Variants in RHEB observed in about 807,000 individuals in gnomAD.
The protein encoded by RHEB is GTP-binding protein Rheb.
A neutral mutation model predicts 28.8 loss-of-function variants in RHEB; 2 were observed. The observed-to-expected ratio is 0.07, with a 90% CI of 0.03 to 0.22. The LOEUF is 0.22. RHEB is among the 10% of genes least tolerant of loss of function. The pLI is 1.00. For missense variants in RHEB, 76 were observed against 219.9 expected (o/e 0.35, Z 4.14); for synonymous variants, 69 against 77.3 (o/e 0.89, Z 0.56).
chr7:151,517,162 G>C, intron 1 of RHEB, among the ~76,000 whole-genome samples: 1 of 152,284 alleles, frequency 6.6e-6, no homozygotes, highest in Non-Finnish European at 1.5e-5. Flanking sequence ...TCAGGCGTTT[G>C]AGACAAGCCT....
intron 1 of RHEB, chr7:151,518,152 A>G (rs574531731): frequency 6.6e-6 from 1 of 152,248 alleles, no homozygotes; most frequent in South Asian, 2.1e-4. Flanking sequence ...ATCGCACAAG[A>G]GTTCCCCTAC....
In RHEB at chr7:151,502,253, T is replaced by C. The variant is rs551011432; in HGVS notation, c.53-11239A>G. The C allele has an allele frequency of 1.2e-3, 652 of 556,362 alleles. 2 individuals are homozygous for C. Among genetic ancestry groups the C allele is most frequent in the Non-Finnish European group, 1.9e-3 (589 of 310,482 alleles). The allele number at this position is 556,362 out of a possible 1,614,324, so 34.5% of individuals were successfully genotyped here. A position where few individuals can be genotyped will look rare whatever the true frequency, so the allele number is the denominator to read the frequency against. On this transcript the variant is annotated intron_variant, in intron 1 of 7. Coordinates refer to ENST00000262187, the MANE Select transcript of RHEB (RefSeq NM_005614.4). ...CAAAAAAAAAAAAAAAAAAAGGAGC[T>C]TGGAGGCAGCCTGCAGCAATGGCAC...
intron 1 of RHEB, chr7:151,502,998 T>C: frequency 1.3e-6 from 1 of 783,888 alleles, no homozygotes; most frequent in Non-Finnish European, 2.4e-6. Flanking sequence ...GTGAAATTCA[T>C]TCAAGAAAAG....
chr7:151,498,795 T>C (rs2150933109), intron 1 of RHEB, among the ~76,000 whole-genome samples: 1 of 149,528 alleles, frequency 6.7e-6, no homozygotes, highest in South Asian at 2.1e-4. Flanking sequence ...CAGAATCCCT[T>C]TTGTAGAATA....
chr7:151,486,038 GA>G (rs1181353548), intron 2 of RHEB, among the ~76,000 whole-genome samples: 1 of 152,198 alleles, frequency 6.6e-6, no homozygotes, highest in African/African-American at 2.4e-5. Context: ...TCAATTCTAA[GA>G]AAGAATTCAG....
At chr7:151,494,342 C>T (rs1563097150) in intron 1 of RHEB, among the ~76,000 whole-genome samples, 1 of 152,060 alleles carries the variant, frequency 6.6e-6, no homozygotes, top group African/African-American at 2.4e-5. Flanking sequence ...AGTGAAGGGA[C>T]GGGGGAAAAG....
chr7:151,515,580 C>G (rs1259651096), intron 1 of RHEB, among the ~76,000 whole-genome samples: 1 of 152,208 alleles, frequency 6.6e-6, no homozygotes, highest in Non-Finnish European at 1.5e-5. Flanking sequence ...TATACAACAT[C>G]AGAATATTAA....
chr7:151,490,203 T>C (rs773191874), intron 2 of RHEB, among the ~76,000 whole-genome samples: 12 of 152,302 alleles, frequency 7.9e-5, no homozygotes, highest in Non-Finnish European at 1.2e-4. Context: ...CCTGGGAGGC[T>C]GAGGAAAGAG....
intron 1 of RHEB, among the ~76,000 whole-genome samples, chr7:151,492,335 C>T (rs1373821596): frequency 2.0e-5 from 3 of 152,092 alleles, no homozygotes; most frequent in African/African-American, 4.8e-5. Context: ...TGGTTGCTGG[C>T]CGGGTGTGGT....
chr7:151,484,889 C>T, intron 2 of RHEB, 85 bp from the exon 3 acceptor site: 1 of 851,732 alleles, frequency 1.2e-6, no homozygotes. Flanking sequence ...ACCAATCAAG[C>T]ACAGAGTCCC....
chr7:151,469,970 G>A (rs750623679), intron 7 of RHEB, among the ~76,000 whole-genome samples: 18 of 152,174 alleles, frequency 1.2e-4, no homozygotes, highest in Admixed American at 4.6e-4. Context: ...CTGGGGGCGG[G>A]AGACAAGCTT....
intron 1 of RHEB, among the ~76,000 whole-genome samples, chr7:151,494,056 T>A (rs1802632449): frequency 6.6e-6 from 1 of 152,096 alleles, no homozygotes; most frequent in African/African-American, 2.4e-5. Flanking sequence ...TAAGGGTTTG[T>A]GGGGTTTTTG....
intron 1 of RHEB, among the ~76,000 whole-genome samples, chr7:151,516,622 C>CAAAAAAAAA (rs551863062): frequency 2.2e-5 from 2 of 91,978 alleles, no homozygotes; most frequent in Admixed American, 1.3e-4. Context: ...GACTCTGTCA[C>CAAAAAAAAA]AAAAAAAAAA....
At chr7:151,501,234 AAT>A (rs1431825660) in intron 1 of RHEB, among the ~76,000 whole-genome samples, 45 of 152,364 alleles carry the variant, frequency 3.0e-4, no homozygotes, top group African/African-American at 1.0e-3. Flanking sequence ...CCATATCCAG[AAT>A]ATGTTTCACT....
chr7:151,482,497 A>C (rs908417320), intron 3 of RHEB, among the ~76,000 whole-genome samples: 5 of 152,252 alleles, frequency 3.3e-5, no homozygotes, highest in African/African-American at 7.2e-5. Context: ...CCAAACAGTT[A>C]TGAAATACTG....
intron 1 of RHEB, among the ~76,000 whole-genome samples, chr7:151,499,328 A>C (rs190720755): frequency 1.8e-4 from 28 of 152,354 alleles, no homozygotes; most frequent in Non-Finnish European, 3.5e-4. Flanking sequence ...ACTGCACTCC[A>C]GCCTGGGATA....
At chr7:151,484,925 G>C in intron 2 of RHEB, 121 bp from the exon 3 acceptor site, 1 of 620,534 alleles carries the variant, frequency 1.6e-6, no homozygotes. Flanking sequence ...AAGGCCCCAT[G>C]AAACAAAAAA....
intron 2 of RHEB, among the ~76,000 whole-genome samples, chr7:151,489,951 T>C (rs1338858454): frequency 2.0e-5 from 3 of 152,226 alleles, no homozygotes; most frequent in African/African-American, 7.2e-5. Flanking sequence ...CGGTGAAATA[T>C]GCTTCGTGTC....
At chr7:151,467,278 C>T in intron 7 of RHEB, 67 bp from the exon 8 acceptor site, 5 of 1,198,810 alleles carry the variant, frequency 4.2e-6, no homozygotes, top group Non-Finnish European at 6.2e-6. Context: ...ATTTTACGGA[C>T]TGAGGAGGGC....
Sources: gnomAD v4.1 joint callset for allele counts (sites outside exome capture counted in the v4.1 genomes callset) on GRCh38, gnomAD v4.1.1 for gene constraint, MANE v1.5 for transcripts, NCBI Gene and HGNC (gene_info 2026-07-23, HGNC 2026-07-21) for gene names.